The following CSMD1 variants were observed in gnomAD, a reference collection of about 807,000 sequenced individuals.
The protein encoded by CSMD1 is CUB and sushi domain-containing protein 1.
In CSMD1, 213 loss-of-function variants were observed where a neutral mutation model predicts 417.5. That is an observed-to-expected ratio of 0.51 (90% CI 0.46 to 0.57). The LOEUF is 0.57. Ranked by LOEUF, CSMD1 falls within the 20% of genes least tolerant of loss-of-function variation. CSMD1 has a pLI of 0.00. For missense variants in CSMD1, 6,923 were observed against 4,529.7 expected (o/e 1.53, Z -15.17); for synonymous variants, 2,862 against 1,736.8 (o/e 1.65, Z -16.11).
chr8:3,975,378 A>G (rs181067316), intron 5 of CSMD1, among the ~76,000 whole-genome samples: 6 of 152,244 alleles, frequency 3.9e-5, no homozygotes, highest in African/African-American at 1.2e-4. Flanking sequence ...TCTTTTTATG[A>G]TATGAGCTAC....
At chr8:3,058,594 A>C (rs893377345) in intron 49 of CSMD1, among the ~76,000 whole-genome samples, 4 of 152,236 alleles carry the variant, frequency 2.6e-5, no homozygotes, top group African/African-American at 9.6e-5. Context: ...GCCTCTAGAA[A>C]GAATGTTTGT....
chr8:4,994,291 G>A (rs775552055), intron 1 of CSMD1, 41 bp downstream of exon 1: 12 of 1,583,158 alleles, frequency 7.6e-6, no homozygotes, highest in African/African-American at 1.3e-5. Context: ...GGGCCTCCGA[G>A]GGCTCTACCG....
chr8:4,943,450 C>T (rs972617875), intron 1 of CSMD1, among the ~76,000 whole-genome samples: 2 of 151,158 alleles, frequency 1.3e-5, no homozygotes, highest in African/African-American at 2.4e-5. Context: ...GAGCTGAGGT[C>T]GCACCACTGC....
intron 3 of CSMD1, among the ~76,000 whole-genome samples, chr8:4,313,735 G>T (rs1798760783): frequency 6.6e-6 from 1 of 152,056 alleles, no homozygotes; most frequent in South Asian, 2.1e-4. Flanking sequence ...GCAGAACTAG[G>T]CCGGGCACAG....
intron 3 of CSMD1, among the ~76,000 whole-genome samples, chr8:4,099,099 T>A (rs1261225273): frequency 6.6e-6 from 1 of 152,112 alleles, no homozygotes; most frequent in Non-Finnish European, 1.5e-5. Flanking sequence ...ATCTGTTTTT[T>A]TCTTTTTTTG....
At chr8:3,250,615 G>A (rs375869358) in intron 26 of CSMD1, among the ~76,000 whole-genome samples, 5 of 152,152 alleles carry the variant, frequency 3.3e-5, no homozygotes, top group Non-Finnish European at 5.9e-5. Context: ...CTAGTTCTAG[G>A]TCCCTGAGGA....
chr8:4,581,887 T>C (rs373030315), intron 2 of CSMD1, among the ~76,000 whole-genome samples: 2 of 152,310 alleles, frequency 1.3e-5, no homozygotes, highest in East Asian at 3.9e-4. Flanking sequence ...CTGCTGTGAA[T>C]TGTCCCCTAC....
intron 3 of CSMD1, among the ~76,000 whole-genome samples, chr8:4,419,228 G>C (rs972092110): frequency 1.3e-5 from 2 of 152,256 alleles, no homozygotes; most frequent in African/African-American, 4.8e-5. Context: ...ACAGACAGTA[G>C]CTCTTGTATT....
chr8:4,808,137 C>G (rs1798694569), intron 1 of CSMD1, among the ~76,000 whole-genome samples: 1 of 152,156 alleles, frequency 6.6e-6, no homozygotes. Flanking sequence ...AAAGAGGAAT[C>G]CACCACCACG....
At chr8:4,631,970 G>A (rs926725877) in intron 2 of CSMD1, among the ~76,000 whole-genome samples, 3 of 152,120 alleles carry the variant, frequency 2.0e-5, no homozygotes, top group African/African-American at 7.2e-5. Flanking sequence ...GACTTTCTAA[G>A]GAGTTTCTCT....
chr8:3,384,151 T>C (rs551947115), intron 18 of CSMD1, among the ~76,000 whole-genome samples: 6 of 152,224 alleles, frequency 3.9e-5, no homozygotes, highest in Admixed American at 1.3e-4. Flanking sequence ...CTCTGGGAAA[T>C]GCATTGAGCT....
chr8:3,804,721 T>A (rs1036370141), intron 5 of CSMD1, among the ~76,000 whole-genome samples: 1 of 152,188 alleles, frequency 6.6e-6, no homozygotes, highest in East Asian at 1.9e-4. Context: ...TATTTGTGTA[T>A]GATATTTGCT....
At chr8:3,341,006 G>A (rs950374448) in intron 23 of CSMD1, among the ~76,000 whole-genome samples, 7 of 152,208 alleles carry the variant, frequency 4.6e-5, no homozygotes, top group African/African-American at 1.7e-4. Context: ...AAAAATGTCT[G>A]TAGAATTGGA....
intron 4 of CSMD1, among the ~76,000 whole-genome samples, chr8:4,027,574 G>C (rs944668622): frequency 1.1e-4 from 16 of 152,086 alleles, no homozygotes; most frequent in African/African-American, 3.9e-4. Context: ...ATAACTGCAT[G>C]GTTCCTGAGG....
At chr8:3,374,880 G>C (rs191178628) in intron 18 of CSMD1, among the ~76,000 whole-genome samples, 5 of 152,138 alleles carry the variant, frequency 3.3e-5, no homozygotes, top group African/African-American at 1.2e-4. Context: ...TCTAATAAAT[G>C]GAAGTTTGCA....
intron 7 of CSMD1, among the ~76,000 whole-genome samples, chr8:3,639,334 A>T (rs556381753): frequency 6.3e-4 from 96 of 152,296 alleles, no homozygotes; most frequent in African/African-American, 2.1e-3. Context: ...GAGAATCAGG[A>T]AAGTTTGGAG....
intron 19 of CSMD1, among the ~76,000 whole-genome samples, chr8:3,368,037 G>A (rs1260298095): frequency 6.6e-6 from 1 of 152,132 alleles, no homozygotes; most frequent in East Asian, 1.9e-4. Context: ...ATAGTAACCG[G>A]AACTACAAAG....
chr8:4,427,006 G>C (rs1295833876), intron 2 of CSMD1, among the ~76,000 whole-genome samples: 2 of 152,068 alleles, frequency 1.3e-5, no homozygotes, highest in Non-Finnish European at 2.9e-5. Flanking sequence ...ATATCAAGAA[G>C]TGATCAGTGA....
chr8:4,607,653 G>A (rs1000508741), intron 2 of CSMD1, among the ~76,000 whole-genome samples: 1 of 152,110 alleles, frequency 6.6e-6, no homozygotes, highest in Non-Finnish European at 1.5e-5. Context: ...AAAATGGATG[G>A]CACTACACTT....
Sources: allele counts gnomAD v4.1 joint callset (sites outside exome capture counted in the v4.1 genomes callset), GRCh38; gene constraint gnomAD v4.1.1; transcripts MANE v1.5; gene names NCBI Gene and HGNC (gene_info 2026-07-23, HGNC 2026-07-21).